Variants in KIF24 observed in about 807,000 individuals in gnomAD.
KIF24 encodes the protein kinesin-like protein KIF24.
A neutral mutation model predicts 118.9 loss-of-function variants in KIF24; 81 were observed. That is an observed-to-expected ratio of 0.68 (90% CI 0.57 to 0.82). The LOEUF (loss-of-function observed/expected upper bound fraction) is 0.82. Ranked by LOEUF, KIF24 falls within the 40% of genes least tolerant of loss-of-function variation. The probability of loss-of-function intolerance (pLI) is 0.00; values close to 1 mark genes in which losing one functional copy is unlikely to be tolerated. For synonymous variants in KIF24, 599 were observed against 610.0 expected (o/e 0.98, Z 0.27); for missense variants, 1,560 against 1,661.6 (o/e 0.94, Z 1.06).
Position 34,259,707 on chromosome 9 carries a change from T to C in KIF24, c.1516-2A>G, listed in dbSNP as rs760052072. On this transcript the variant is annotated splice_acceptor_variant, in intron 9 of 12. Transcript: ENST00000402558. LOFTEE classifies it high-confidence loss of function. Reference sequence around the variant, plus strand: ...GCCGATGAAAGAGTCCTTCAGGACCTGTCCAAAACAGAAGGCAGGTCAATG... The same window carrying C: ...GCCGATGAAAGAGTCCTTCAGGACCCGTCCAAAACAGAAGGCAGGTCAATG... 6 of 1,606,736 alleles carry C rather than the reference T, an allele frequency of 3.7e-6. No individual in the cohort carries two copies. In the African/African-American group the frequency reaches 6.7e-5, roughly 18 times the overall value.
rs1162520893 is a variant in KIF24, at chr9:34,306,338, T to G, written c.727A>C (p.Ile243Leu). The G allele has an allele frequency of 6.2e-7, 1 of 1,610,716 alleles. No individual in the cohort carries two copies. The change falls in exon 3 of 13, where the codon ATT (isoleucine) becomes CTT (leucine). Residue 243 changes from isoleucine to leucine, a missense_variant. Physicochemically the swap from Ile to Leu is conservative, Grantham distance 5. Transcript: ENST00000402558. ...TTGTCTTCTACAGTAATAATATTAA[T>G]TTCTCCACGACGTACCTCCCTCATG... ...LGMREVRRGEINIITVEDKET... is the reference protein window; with the variant it reads ...LGMREVRRGELNIITVEDKET...
chr9:34,323,172 C>T (rs1837574399), intron 1 of KIF24, among the ~76,000 whole-genome samples: 1 of 152,046 alleles, frequency 6.6e-6, no homozygotes, highest in Admixed American at 6.6e-5. Flanking sequence ...ATTCTTAAGG[C>T]AAGATGTGGA....
intron 6 of KIF24, among the ~76,000 whole-genome samples, chr9:34,272,458 G>T (rs1265261244): frequency 1.3e-5 from 2 of 152,136 alleles, no homozygotes; most frequent in African/African-American, 4.8e-5. Flanking sequence ...ACTCACCCTA[G>T]ACTGGGAGTA....
chr9:34,292,745 C>T (rs1388679345), intron 4 of KIF24, among the ~76,000 whole-genome samples: 1 of 152,152 alleles, frequency 6.6e-6, no homozygotes. Context: ...AACCCTGGCT[C>T]CCAGCAGTGT....
intron 1 of KIF24, among the ~76,000 whole-genome samples, chr9:34,323,719 G>T (rs1230248540): frequency 6.6e-6 from 1 of 152,080 alleles, no homozygotes; most frequent in African/African-American, 2.4e-5. Flanking sequence ...GCCACCATGG[G>T]ACCAGGAATT....
chr9:34,299,006 G>A (rs1414858630), intron 3 of KIF24, among the ~76,000 whole-genome samples: 1 of 151,694 alleles, frequency 6.6e-6, no homozygotes, highest in Non-Finnish European at 1.5e-5. Context: ...ATAATTTAGG[G>A]GCTTACCATG....
intron 4 of KIF24, among the ~76,000 whole-genome samples, chr9:34,292,926 C>T (rs1796524978): frequency 6.6e-6 from 1 of 152,106 alleles, no homozygotes; most frequent in Non-Finnish European, 1.5e-5. Flanking sequence ...GAGTGAAAAA[C>T]CCTATTATAC....
At chr9:34,327,286 G>A (rs561701040) in intron 1 of KIF24, among the ~76,000 whole-genome samples, 1 of 152,092 alleles carries the variant, frequency 6.6e-6, no homozygotes, top group East Asian at 1.9e-4. Context: ...AATATATCAG[G>A]CATCATAGAA....
chr9:34,289,814 T>A (rs1587942508), intron 5 of KIF24, among the ~76,000 whole-genome samples: 2 of 152,314 alleles, frequency 1.3e-5, no homozygotes, highest in Middle Eastern at 3.4e-3. Context: ...GTAGAAAACA[T>A]TATTTATAGT....
At chr9:34,270,223 A>G (rs1184303550) in intron 7 of KIF24, among the ~76,000 whole-genome samples, 4 of 149,810 alleles carry the variant, frequency 2.7e-5, no homozygotes, top group Non-Finnish European at 5.9e-5. Flanking sequence ...ATCTCAAGAA[A>G]AAAAAAAAAT....
chr9:34,319,921 A>G (rs1837459936), intron 1 of KIF24, among the ~76,000 whole-genome samples: 2 of 152,174 alleles, frequency 1.3e-5, no homozygotes, highest in South Asian at 2.1e-4. Flanking sequence ...CCTGCCCTCA[A>G]AGTCCCAGAT....
intron 1 of KIF24, among the ~76,000 whole-genome samples, chr9:34,316,077 C>T (rs369134710): frequency 3.3e-5 from 5 of 151,854 alleles, no homozygotes; most frequent in Middle Eastern, 3.4e-3. Flanking sequence ...ATCGGCCGGG[C>T]GTGGGGGCTC....
chr9:34,295,524 A>C (rs1563952699), intron 4 of KIF24, among the ~76,000 whole-genome samples: 1 of 152,090 alleles, frequency 6.6e-6, no homozygotes, highest in Non-Finnish European at 1.5e-5. Context: ...AAAAATACAG[A>C]AATATTAGCT....
chr9:34,266,153 A>G (rs902450801), intron 8 of KIF24, among the ~76,000 whole-genome samples: 5 of 152,170 alleles, frequency 3.3e-5, no homozygotes, highest in East Asian at 3.9e-4. Context: ...TTAACCTCCC[A>G]AAGTGCTGGG....
intron 1 of KIF24, among the ~76,000 whole-genome samples, chr9:34,327,343 G>A (rs954213024): frequency 2.0e-5 from 3 of 151,074 alleles, no homozygotes; most frequent in Non-Finnish European, 4.4e-5. Flanking sequence ...CTCACTTTAC[G>A]ACAAAAGAGC....
At chr9:34,283,760 C>A (rs1406537381) in intron 6 of KIF24, among the ~76,000 whole-genome samples, 1 of 152,050 alleles carries the variant, frequency 6.6e-6, no homozygotes, top group African/African-American at 2.4e-5. Flanking sequence ...AAGAGGAACT[C>A]CAAATTACAA....
At position 34,255,947 on chromosome 9, in the gene KIF24, C is replaced by T; in HGVS notation, c.3660G>A (p.Trp1220Ter). 6.2e-7 allele frequency: 1 copy of T among 1,613,962 alleles called. No homozygotes were observed. ...TTGTAGGATGTTTTCTCTCCTGGGC[C>T]CAGAGCTGGTCAGCCACATCACTAC... ...TGSSDVADQLWAQERKHPTRL... is the reference protein window; with the variant it reads ...TGSSDVADQL The change falls in exon 11 of 13, where the codon TGG becomes TGA. Residue 1220 changes from tryptophan (W) to a stop codon, truncating the protein, a stop_gained. Transcript: ENST00000402558. LOFTEE classifies it high-confidence loss of function.
chr9:34,254,757 G>A (rs1203065437), intron 12 of KIF24, among the ~76,000 whole-genome samples: 1 of 152,130 alleles, frequency 6.6e-6, no homozygotes, highest in African/African-American at 2.4e-5. Flanking sequence ...AAATACCTAC[G>A]TGTGGTAGGC....
chr9:34,285,095 G>A (rs1331641907), intron 6 of KIF24, among the ~76,000 whole-genome samples: 1 of 152,134 alleles, frequency 6.6e-6, no homozygotes, highest in Non-Finnish European at 1.5e-5. Context: ...GGTATGTATA[G>A]TAAGTTAGAG....
Sources: allele counts gnomAD v4.1 joint callset (sites outside exome capture counted in the v4.1 genomes callset), GRCh38; gene constraint gnomAD v4.1.1; transcripts MANE v1.5; gene names NCBI Gene and HGNC (gene_info 2026-07-23, HGNC 2026-07-21).